Variants in PAPPA observed in about 807,000 individuals in gnomAD.
PAPPA encodes the protein pappalysin-1.
In PAPPA, 60 loss-of-function variants were observed where a neutral mutation model predicts 164.0. The observed-to-expected ratio is 0.37, with a 90% CI of 0.30 to 0.45. The LOEUF is 0.45. Among genes scored for constraint, PAPPA ranks in the 20% least tolerant of loss-of-function variants. The pLI, the probability that PAPPA is intolerant of heterozygous loss-of-function variation, is 1.00. For synonymous variants in PAPPA, 875 were observed against 814.1 expected (o/e 1.07, Z -1.27); for missense variants, 1,782 against 2,087.3 (o/e 0.85, Z 2.85).
chr9:116,154,304 G>C lies in PAPPA; in HGVS notation c.132G>C (p.Pro44=). 1.1e-6 allele frequency: 1 copy of C among 927,510 alleles called. No homozygotes were observed. Among genetic ancestry groups the C allele is most frequent in the Non-Finnish European group, 1.3e-6 (1 of 780,094 alleles). The allele number at this position is 927,510 out of a possible 1,614,324, so 57.5% of individuals were successfully genotyped here. ...AGRPPRPAAG[P]ATCATRAARG... ...GACCCCCGCGCCCCGCCGCCGGCCC[G>C]GCCACCTGCGCCACCCGGGCGGCCC... The change falls in exon 1 of 22, where the codon CCG becomes CCC. Residue 44 remains proline (P), a synonymous_variant. Transcript: ENST00000328252. This position sits in a 1 kb window ranked among gnomAD's most constrained non-coding sequence, Gnocchi z 5.2.
chr9:116,345,921 A>G (rs1431055892), intron 14 of PAPPA, among the ~76,000 whole-genome samples: 4 of 152,114 alleles, frequency 2.6e-5, no homozygotes, highest in African/African-American at 9.7e-5. Flanking sequence ...TGGTCAGTGG[A>G]CTTTGCCTTC....
chr9:116,266,789 A>C, intron 8 of PAPPA, among the ~76,000 whole-genome samples: 1 of 152,324 alleles, frequency 6.6e-6, no homozygotes, highest in South Asian at 2.1e-4. Flanking sequence ...AAAATAGAGA[A>C]TTTTGTCTCT....
chr9:116,268,923 A>G (rs1249858756), intron 8 of PAPPA, among the ~76,000 whole-genome samples: 1 of 152,126 alleles, frequency 6.6e-6, no homozygotes, highest in Non-Finnish European at 1.5e-5. Flanking sequence ...TCATGGAATG[A>G]TGCAAGTTAA....
At chr9:116,302,080 T>A (rs1188965696) in intron 9 of PAPPA, among the ~76,000 whole-genome samples, 6 of 152,184 alleles carry the variant, frequency 3.9e-5, no homozygotes, top group Non-Finnish European at 7.3e-5. Context: ...AGATCAGGTA[T>A]TAACACACTG....
At chr9:116,386,064 G>C (rs931638575) in intron 21 of PAPPA, among the ~76,000 whole-genome samples, 2 of 152,140 alleles carry the variant, frequency 1.3e-5, no homozygotes, top group Non-Finnish European at 2.9e-5. Flanking sequence ...ATAATGGTTG[G>C]GGGTAGAAGG....
At chr9:116,234,751 A>G (rs2118741973) in intron 6 of PAPPA, among the ~76,000 whole-genome samples, 1 of 152,244 alleles carries the variant, frequency 6.6e-6, no homozygotes, top group African/African-American at 2.4e-5. Flanking sequence ...TAGTTTTATC[A>G]CCTCCTAAAT....
chr9:116,199,083 C>T (rs1844140102), intron 2 of PAPPA, among the ~76,000 whole-genome samples: 1 of 152,088 alleles, frequency 6.6e-6, no homozygotes, highest in East Asian at 1.9e-4. Context: ...CTAATAATAT[C>T]CCAAAAGTCT....
chr9:116,333,569 T>A (rs540424345), intron 12 of PAPPA, among the ~76,000 whole-genome samples: 1 of 152,178 alleles, frequency 6.6e-6, no homozygotes, highest in African/African-American at 2.4e-5. Context: ...CAGGGTCAGA[T>A]AAAAGCCAAG....
chr9:116,386,003 A>G (rs529374574), intron 21 of PAPPA, among the ~76,000 whole-genome samples: 2 of 152,354 alleles, frequency 1.3e-5, no homozygotes, highest in Admixed American at 1.3e-4. Flanking sequence ...TGAGGAAGGG[A>G]CATTTACATG....
At chr9:116,323,630 T>C (rs907769284) in intron 10 of PAPPA, among the ~76,000 whole-genome samples, 1 of 152,218 alleles carries the variant, frequency 6.6e-6, no homozygotes, top group Non-Finnish European at 1.5e-5. Context: ...CTGATTGTCT[T>C]TGCCCAAAAA....
At chr9:116,387,535 T>C (rs1431750235) in intron 21 of PAPPA, among the ~76,000 whole-genome samples, 1 of 152,116 alleles carries the variant, frequency 6.6e-6, no homozygotes, top group Non-Finnish European at 1.5e-5. Flanking sequence ...CATCACACCA[T>C]GCTAATTTTC....
intron 10 of PAPPA, among the ~76,000 whole-genome samples, chr9:116,312,891 G>A (rs1845738269): frequency 1.3e-5 from 2 of 151,952 alleles, no homozygotes; most frequent in African/African-American, 4.8e-5. Context: ...AGACCATCCT[G>A]GCTAACACGG....
intron 10 of PAPPA, 125 bp downstream of exon 10, chr9:116,303,075 G>A (rs1246075909): frequency 2.9e-6 from 2 of 685,522 alleles, no homozygotes; most frequent in African/African-American, 3.6e-5. Flanking sequence ...TTTATTAAAT[G>A]TACTGTTAGG....
intron 21 of PAPPA, among the ~76,000 whole-genome samples, chr9:116,393,477 A>T (rs994594003): frequency 6.6e-6 from 1 of 152,190 alleles, no homozygotes; most frequent in African/African-American, 2.4e-5. Flanking sequence ...ACTGAGTTCA[A>T]TAACAGTCAT....
At chr9:116,388,381 C>G (rs982855955) in intron 21 of PAPPA, among the ~76,000 whole-genome samples, 3 of 152,214 alleles carry the variant, frequency 2.0e-5, no homozygotes, top group African/African-American at 7.2e-5. Context: ...TAATTGGAAT[C>G]ATTCTAAGTA....
chr9:116,209,462 T>C (rs1452358255), intron 3 of PAPPA, among the ~76,000 whole-genome samples: 9 of 152,154 alleles, frequency 5.9e-5, no homozygotes, highest in Non-Finnish European at 1.3e-4. Context: ...AAGGATTGAG[T>C]AGCAGGCTTC....
At chr9:116,222,447 G>A (rs1178637110) in intron 5 of PAPPA, among the ~76,000 whole-genome samples, 1 of 152,214 alleles carries the variant, frequency 6.6e-6, no homozygotes, top group South Asian at 2.1e-4. Flanking sequence ...AGGTTTATTG[G>A]GTGAGTCCTA....
At position 116,253,134 on chromosome 9, in the gene PAPPA, T is replaced by A. The variant is rs573405226; in HGVS notation, c.2733-12723T>A. Among the ~76,000 whole-genome samples, 5 of 152,082 alleles carry A rather than the reference T, an allele frequency of 3.3e-5. No individual in the cohort carries two copies. The South Asian group carries it at 8.3e-4, about 25-fold the overall frequency. On this transcript the variant is annotated intron_variant, in intron 7 of 21. Coordinates refer to ENST00000328252, the MANE Select transcript of PAPPA (RefSeq NM_002581.5). ...GTAATAAAGTATGGGACACTAAGGA[T>A]ACCTGTGGAAGGAAACCAACATAAC...
chr9:116,162,123 G>T (rs1843671177), intron 1 of PAPPA, among the ~76,000 whole-genome samples: 1 of 152,224 alleles, frequency 6.6e-6, no homozygotes, highest in African/African-American at 2.4e-5. Context: ...GAATAAAAGT[G>T]ATGAGGGGAG....
Sources: allele counts gnomAD v4.1 joint callset (sites outside exome capture counted in the v4.1 genomes callset), GRCh38; gene constraint gnomAD v4.1.1; non-coding constraint Gnocchi (gnomAD v3.1); transcripts MANE v1.5; gene names NCBI Gene and HGNC (gene_info 2026-07-23, HGNC 2026-07-21).